Variants in TSEN15 observed in about 807,000 individuals in gnomAD.
TSEN15 encodes the protein tRNA splicing endonuclease subunit 15.
In TSEN15, 10 loss-of-function variants were observed where a neutral mutation model predicts 20.5. The observed-to-expected ratio is 0.49, with a 90% CI of 0.30 to 0.83. TSEN15 has a LOEUF of 0.83. Among genes scored for constraint, TSEN15 ranks in the 40% least tolerant of loss-of-function variants. The pLI is 0.06. For synonymous variants in TSEN15, 72 were observed against 80.1 expected, an observed-to-expected ratio of 0.90 and a Z score of 0.54; for missense variants, 180 against 218.6, an observed-to-expected ratio of 0.82 and a Z score of 1.11.
chr1:184,059,946 T>C (rs1029745420), intron 3 of TSEN15, among the ~76,000 whole-genome samples: 5 of 152,238 alleles, frequency 3.3e-5, no homozygotes, highest in Non-Finnish European at 5.9e-5. Context: ...GCACTTGCAA[T>C]GTGTAAGTTT....
At chr1:184,068,157 A>G (rs1208846289) in intron 3 of TSEN15, among the ~76,000 whole-genome samples, 1 of 151,046 alleles carries the variant, frequency 6.6e-6, no homozygotes, top group Admixed American at 6.6e-5. Flanking sequence ...AAGGACTTAT[A>G]TTAATTCTGG....
chr1:184,093,483 G>A (rs970012515), intron 3 of TSEN15: 4 of 152,088 alleles, frequency 2.6e-5, no homozygotes, highest in African/African-American at 9.7e-5. Flanking sequence ...ATCTCTTAGG[G>A]CTCTTGTGAG....
chr1:184,070,694 G>A (rs1251428499), intron 3 of TSEN15: 1 of 1,283,582 alleles, frequency 7.8e-7, no homozygotes, highest in Non-Finnish European at 1.0e-6. Context: ...ATTGTGATAT[G>A]CTGCCTTTTA....
chr1:184,068,310 T>TTCTGAAAAGGATA (rs1397111841), intron 3 of TSEN15, among the ~76,000 whole-genome samples: 1 of 152,264 alleles, frequency 6.6e-6, no homozygotes, highest in Admixed American at 6.5e-5. Context: ...TATTTCCACT[T>TTCTGAAAAGGATA]TCTGAAAGCA....
In TSEN15 at chr1:184,051,961, T is replaced by C. The variant is rs1572699307; in HGVS notation, c.135+71T>C. On this transcript the variant is annotated intron_variant, in intron 1 of 4. Transcript: ENST00000645668. ...CAGGCAGAACACTCCCAGGCAGCTC[T>C]CTTTCTTTCTTCCTCAGTGGGAGAC... 42 of 1,326,334 alleles carry C rather than the reference T, an allele frequency of 3.2e-5. No homozygotes were observed. The East Asian group carries it at 1.3e-3, about 41-fold the overall frequency. The allele number at this position is 1,326,334 out of a possible 1,614,324, so 82.2% of individuals were successfully genotyped here.
rs181284616 is a variant in TSEN15, at chr1:184,052,557, G to C, written c.135+667G>C. Reference sequence around the variant, plus strand: ...GACAGTGAATGGAGATGTGGGTTTTGTAAGAATCTCAAAAACTAGTCTCTA... The same window carrying C: ...GACAGTGAATGGAGATGTGGGTTTTCTAAGAATCTCAAAAACTAGTCTCTA... On this transcript the variant is annotated intron_variant, in intron 1 of 4. Coordinates refer to ENST00000645668, the MANE Select transcript of TSEN15 (RefSeq NM_052965.4). Among the ~76,000 whole-genome samples the C allele has an allele frequency of 1.3e-3, 198 of 152,148 alleles. 1 individual carries two copies. Among genetic ancestry groups the C allele is most frequent in the African/African-American group, 4.6e-3 (190 of 41,520 alleles).
intron 1 of TSEN15, among the ~76,000 whole-genome samples, chr1:184,053,486 C>T (rs184057106): frequency 3.3e-5 from 5 of 152,272 alleles, no homozygotes; most frequent in African/African-American, 4.8e-5. Context: ...TGTTTGAAGT[C>T]GACAACTAAT....
chr1:184,075,698 A>G (rs1651045679), downstream of TSEN15, among the ~76,000 whole-genome samples: 1 of 152,042 alleles, frequency 6.6e-6, no homozygotes, highest in African/African-American at 2.4e-5. Context: ...TTGAAAATTT[A>G]TTTTCAATCT....
chr1:184,055,829 A>G (rs1650231644), intron 3 of TSEN15, among the ~76,000 whole-genome samples: 1 of 152,148 alleles, frequency 6.6e-6, no homozygotes. Flanking sequence ...CTCTGTACCC[A>G]TCACCCAAAG....
At chr1:184,094,619 A>G (rs1170500815) in intron 3 of TSEN15, 1 of 160,032 alleles carries the variant, frequency 6.2e-6, no homozygotes, top group Non-Finnish European at 1.4e-5. Context: ...TCTGTGATAC[A>G]CCCTTTAGCA....
intron 3 of TSEN15, among the ~76,000 whole-genome samples, chr1:184,069,601 A>ACAAT (rs1242423555): frequency 6.6e-5 from 10 of 152,136 alleles, no homozygotes; most frequent in Admixed American, 6.6e-4. Context: ...TGGGATCTTT[A>ACAAT]CAATCATATG....
intron 3 of TSEN15, among the ~76,000 whole-genome samples, chr1:184,060,934 A>G (rs1276427862): frequency 6.6e-6 from 1 of 152,236 alleles, no homozygotes; most frequent in Non-Finnish European, 1.5e-5. Flanking sequence ...AATTATAACT[A>G]AGTCAAGAAA....
At chr1:184,071,076 G>A (rs1650864549) in intron 3 of TSEN15, 1 of 152,096 alleles carries the variant, frequency 6.6e-6, no homozygotes, top group South Asian at 2.1e-4. Context: ...AGTTTATGAA[G>A]TCTTTTCATA....
Position 184,090,928 on chromosome 1 carries a change from G to A in TSEN15, c.354-4762G>A, listed in dbSNP as rs573069035. ...TTTCTGTAGTATACAGCTCCCTCAG[G>A]GACATATTGGAGAGGGAGGGCTGAG... is the stretch of plus-strand genomic sequence containing the variant. On this transcript the variant is annotated intron_variant, in intron 3 of 3. Coordinates refer to the TSEN15 transcript ENST00000643231. 9.5e-4 allele frequency among the ~76,000 whole-genome samples: 145 copies of A among 152,176 alleles called. 2 individuals carry two copies. The South Asian group carries it at 0.03, about 31-fold the overall frequency.
At chr1:184,074,854 G>T (rs571845803), downstream of TSEN15, among the ~76,000 whole-genome samples, 1 of 151,836 alleles carries the variant, frequency 6.6e-6, no homozygotes, top group African/African-American at 2.4e-5. Context: ...AACTCCTTCA[G>T]GCTCCCTCTG....
chr1:184,075,910 A>ATTTTT (rs200324927), downstream of TSEN15, among the ~76,000 whole-genome samples: 17 of 123,752 alleles, frequency 1.4e-4, no homozygotes, highest in African/African-American at 4.8e-4. Context: ...ATATATATAT[A>ATTTTT]TTTTTTTTTT....
intron 3 of TSEN15, among the ~76,000 whole-genome samples, chr1:184,064,380 TG>T (rs903836569): frequency 2.0e-5 from 3 of 152,088 alleles, no homozygotes; most frequent in African/African-American, 7.2e-5. Flanking sequence ...TCATTATGAC[TG>T]GGTATGTAGT....
chr1:184,066,517 T>A (rs1650668040), intron 3 of TSEN15, among the ~76,000 whole-genome samples: 1 of 152,084 alleles, frequency 6.6e-6, no homozygotes, highest in Non-Finnish European at 1.5e-5. Context: ...GCAATTCTCA[T>A]GCCTCAGCCT....
Position 184,083,331 on chromosome 1 carries a change from C to T in TSEN15, c.354-12359C>T, listed in dbSNP as rs140599711. On this transcript the variant is annotated intron_variant, in intron 3 of 3. Coordinates refer to the TSEN15 transcript ENST00000643231. ...TAAGCATGCTTATGCTACAAGATCC[C>T]TTATATTTTGATCCCTTGCCTTAGA... Among the ~76,000 whole-genome samples the T allele has an allele frequency of 2.4e-3, 367 of 152,310 alleles. 8 individuals carry two copies. The highest frequency in any genetic ancestry group is 0.022 in the Admixed American group (331 of 15,292).
Sources: allele counts gnomAD v4.1 joint callset (sites outside exome capture counted in the v4.1 genomes callset), GRCh38; gene constraint gnomAD v4.1.1; transcripts MANE v1.5; gene names NCBI Gene and HGNC (gene_info 2026-07-23, HGNC 2026-07-21).